Variants in KCNJ10 observed in about 807,000 individuals in gnomAD.
KCNJ10 encodes potassium inwardly rectifying channel subfamily J member 10, also known as ATP-sensitive inward rectifier potassium channel 10.
A neutral mutation model predicts 22.2 loss-of-function variants in KCNJ10; 9 were observed. The observed-to-expected ratio is 0.40, with a 90% CI of 0.24 to 0.71. The LOEUF (loss-of-function observed/expected upper bound fraction) is 0.71, where lower values mean the gene tolerates loss of function less well. Among genes scored for constraint, KCNJ10 ranks in the 30% least tolerant of loss-of-function variants. KCNJ10 has a pLI of 0.35. For synonymous variants in KCNJ10, 184 were observed against 187.3 expected, an observed-to-expected ratio of 0.98 and a Z score of 0.15; for missense variants, 337 against 482.7, an observed-to-expected ratio of 0.70 and a Z score of 2.83.
chr1:160,041,320 G>C lies in KCNJ10; in HGVS notation c.*73C>G. 1 of 1,427,130 alleles carries C rather than the reference G, an allele frequency of 7.0e-7. No individual in the cohort carries two copies. The highest frequency in any genetic ancestry group is 9.7e-7 in the Non-Finnish European group (1 of 1,027,156). The allele number at this position is 1,427,130 out of a possible 1,614,324, so 88.4% of individuals were successfully genotyped here. A position where few individuals can be genotyped will look rare whatever the true frequency, so the allele number is the denominator to read the frequency against. On this transcript the variant is annotated 3_prime_UTR_variant, in exon 2 of 2. Coordinates refer to ENST00000644903, the MANE Select transcript of KCNJ10 (RefSeq NM_002241.5). The surrounding 1 kb of genome is among the most constrained non-coding windows in gnomAD (Gnocchi z 4.4). ...GCTTCGGGGGATCTCCAGTAAACCC[G>C]GGTAGTATTCCTTACCAGGGCATTG...
In KCNJ10 at chr1:160,042,357, A is replaced by G; in HGVS notation, c.176T>C (p.Phe59Ser). 1 of 1,613,318 alleles carries G rather than the reference A, an allele frequency of 6.2e-7. No homozygotes were observed. The highest frequency in any genetic ancestry group is 8.5e-7 in the Non-Finnish European group (1 of 1,179,290). The change falls in exon 2 of 2, where the codon TTC (phenylalanine) becomes TCC (serine). Residue 59 changes from phenylalanine (F) to serine (S), a missense_variant. Transcript: ENST00000644903. ...CTTGTAGCGCCACTGCATGTCAATG[A>G]AGGTTGTCCACAGGTCCTTGAGGTA... The part of the protein sequence containing the change: ...FLYLKDLWTT[F>S]IDMQWRYKLL...
intron 1 of KCNJ10, among the ~76,000 whole-genome samples, chr1:160,046,061 G>C (rs1186682): frequency 0.99 from 150,474 of 152,284 alleles, 74,367 homozygotes; most frequent in Middle Eastern, 1. Flanking sequence ...CATGGTGGGT[G>C]AGGATGTCTG....
In KCNJ10 at chr1:160,063,488, G is replaced by T. The variant is rs184568876; in HGVS notation, c.-1+6534C>A. The T allele has an allele frequency of 2.0e-5, 3 of 152,676 alleles. No homozygotes were observed. The East Asian group carries it at 5.8e-4, about 29-fold the overall frequency. 9.5% of individuals were successfully genotyped at this position (152,676 alleles called of 1,614,324 possible). ...CCTAGCTTTCTTTCTCCTCTTTTCA[G>T]TTGCTGTCAGTATCGGAAGTTCTCC... On this transcript the variant is annotated intron_variant, in intron 1 of 1. Coordinates refer to ENST00000644903, the MANE Select transcript of KCNJ10 (RefSeq NM_002241.5).
chr1:160,061,469 C>G (rs558449397), intron 1 of KCNJ10, among the ~76,000 whole-genome samples: 1 of 152,212 alleles, frequency 6.6e-6, no homozygotes, highest in South Asian at 2.1e-4. Flanking sequence ...GGGTACTTGA[C>G]TCAGCTCTGG....
At chr1:160,054,480 C>T (rs1396889304) in intron 1 of KCNJ10, among the ~76,000 whole-genome samples, 2 of 152,204 alleles carry the variant, frequency 1.3e-5, no homozygotes, top group Non-Finnish European at 1.5e-5. Flanking sequence ...AGTATCAGTG[C>T]TAAGAGTCAG....
intron 1 of KCNJ10, among the ~76,000 whole-genome samples, chr1:160,047,600 C>T (rs1372904020): frequency 6.6e-6 from 1 of 152,170 alleles, no homozygotes; most frequent in Non-Finnish European, 1.5e-5. Flanking sequence ...TTTCAGAACT[C>T]GACTCAACTG....
chr1:160,052,802 GT>G (rs1557971315), intron 1 of KCNJ10, among the ~76,000 whole-genome samples: 1 of 152,136 alleles, frequency 6.6e-6, no homozygotes, highest in Non-Finnish European at 1.5e-5. Context: ...ATAGGGGTTG[GT>G]ATTAGTTTCA....
intron 1 of KCNJ10, among the ~76,000 whole-genome samples, chr1:160,053,781 C>A (rs914862719): frequency 6.6e-6 from 1 of 152,152 alleles, no homozygotes; most frequent in Non-Finnish European, 1.5e-5. Context: ...CTTGTGTCAA[C>A]GTTTGGAAAG....
At position 160,051,781 on chromosome 1, in the gene KCNJ10, T is replaced by C. The variant is rs77166813; in HGVS notation, c.1-9249A>G. Among the ~76,000 whole-genome samples the C allele has an allele frequency of 6.6e-4, 101 of 152,166 alleles. 1 individual carries two copies. The East Asian group carries it at 0.016, about 24-fold the overall frequency. ...TTCTCCCCACTTCCTTCATGTGGAC[T>C]CTCCTCCCAACGGTCTTCTCATCTC... On this transcript the variant is annotated intron_variant, in intron 1 of 1. Transcript: ENST00000644903.
chr1:160,060,565 C>T (rs1031911921), intron 1 of KCNJ10, among the ~76,000 whole-genome samples: 1 of 152,138 alleles, frequency 6.6e-6, no homozygotes, highest in Non-Finnish European at 1.5e-5. Flanking sequence ...GATTAGCACT[C>T]AATAATATTT....
intron 1 of KCNJ10, among the ~76,000 whole-genome samples, chr1:160,062,262 G>A (rs973500590): frequency 2.0e-5 from 3 of 152,230 alleles, no homozygotes; most frequent in African/African-American, 7.2e-5. Flanking sequence ...GGGGCGAAGG[G>A]GGGGTGGTGG....
At chr1:160,049,743 T>G (rs1286384154) in intron 1 of KCNJ10, among the ~76,000 whole-genome samples, 2 of 124,534 alleles carry the variant, frequency 1.6e-5, no homozygotes, top group Admixed American at 9.5e-5. Context: ...ATTAGCACAA[T>G]GTATGACACA....
At position 160,039,373 on chromosome 1, in the gene KCNJ10, GACACACACACACACACACACACACAC is replaced by G. The variant is rs56656397; in HGVS notation, c.*1994_*2019del. ...ACTTGGCAATGGATAGGAAGGTATA[GACACACACACACACACACACACACAC>G]ACACACACACACACACACACACACA... is the stretch of plus-strand genomic sequence containing the variant. On this transcript the variant is annotated 3_prime_UTR_variant, in exon 2 of 2. Coordinates refer to ENST00000644903, the MANE Select transcript of KCNJ10 (RefSeq NM_002241.5). 1 of 134,952 alleles carries G rather than the reference GACACACACACACACACACACACACAC, an allele frequency of 7.4e-6. No homozygotes were observed. Among genetic ancestry groups the G allele is most frequent in the South Asian group, 2.5e-4 (1 of 3,946 alleles). The allele number at this position is 134,952 out of a possible 1,614,324, so 8.4% of individuals were successfully genotyped here.
In KCNJ10 at chr1:160,041,075, C is replaced by T; in HGVS notation, c.*318G>A. On this transcript the variant is annotated 3_prime_UTR_variant, in exon 2 of 2. Transcript: ENST00000644903. This position sits in a 1 kb window ranked among gnomAD's most constrained non-coding sequence, Gnocchi z 4.4. ...GTAGGGGGCAGTCTATCCTTCCAAC[C>T]ACATGGTCCTCCTAATGTGAGTATC... The T allele has an allele frequency of 2.4e-6, 1 of 420,328 alleles. No individual in the cohort carries two copies. The highest frequency in any genetic ancestry group is 4.4e-6 in the Non-Finnish European group (1 of 226,836). 26.0% of individuals were successfully genotyped at this position (420,328 alleles called of 1,614,324 possible).
chr1:160,040,340 GTGAATCTAGTTTTACT>G lies in KCNJ10; in HGVS notation c.*1037_*1052del. 2.6e-6 allele frequency: 1 copy of G among 390,204 alleles called. No homozygotes were observed. Among genetic ancestry groups the G allele is most frequent in the Admixed American group, 4.5e-5 (1 of 22,470 alleles). The allele number at this position is 390,204 out of a possible 1,614,324, so 24.2% of individuals were successfully genotyped here. On this transcript the variant is annotated 3_prime_UTR_variant, in exon 2 of 2. Coordinates refer to ENST00000644903, the MANE Select transcript of KCNJ10 (RefSeq NM_002241.5). ...TAACTTTCTGGGGAATCTGTGCCCT[GTGAATCTAGTTTTACT>G]TGAGCATCCGTGTTAAGAGAGGAAG...
At chr1:160,066,208 C>G (rs770048117) in intron 1 of KCNJ10, among the ~76,000 whole-genome samples, 2 of 152,184 alleles carry the variant, frequency 1.3e-5, no homozygotes, top group Non-Finnish European at 2.9e-5. Context: ...TTTATTGAAT[C>G]TGAAGACAGG....
intron 1 of KCNJ10, among the ~76,000 whole-genome samples, chr1:160,050,902 G>C (rs1366717505): frequency 6.6e-6 from 1 of 152,046 alleles, no homozygotes; most frequent in Non-Finnish European, 1.5e-5. Flanking sequence ...ACAGAGCCTT[G>C]GCTTCCTCCA....
rs550377077 is a variant in KCNJ10 at position 160,045,637 on chromosome 1, G to A, written c.1-3105C>T. Among the ~76,000 whole-genome samples the A allele has an allele frequency of 2.6e-5, 4 of 152,246 alleles. No homozygotes were observed. The South Asian group carries it at 8.3e-4, about 32-fold the overall frequency. On this transcript the variant is annotated intron_variant, in intron 1 of 1. Transcript: ENST00000644903. ...TCCTTCAGTTGAACTGAAGTCCCTA[G>A]AACAAAAAAGTAGTTGATTCTACTC...
intron 1 of KCNJ10, among the ~76,000 whole-genome samples, chr1:160,059,742 C>A (rs950216365): frequency 3.3e-5 from 5 of 152,216 alleles, no homozygotes; most frequent in African/African-American, 1.2e-4. Flanking sequence ...CCGCTGGAAA[C>A]CCCACAGGGG....
Sources: gnomAD v4.1 joint callset for allele counts (sites outside exome capture counted in the v4.1 genomes callset) on GRCh38, gnomAD v4.1.1 for gene constraint, Gnocchi (gnomAD v3.1) non-coding constraint, MANE v1.5 for transcripts, NCBI Gene and HGNC (gene_info 2026-07-23, HGNC 2026-07-21) for gene names.